Variants in AMPH observed in about 807,000 individuals in gnomAD.
The protein encoded by AMPH is amphiphysin, also known as amphiphysin (Stiff-Mann syndrome with breast cancer 128kD autoantigen).
Under a neutral mutation model 99.1 loss-of-function variants are expected in AMPH, and 49 were observed. The ratio of observed to expected loss-of-function variants is 0.49; its 90% CI spans 0.39 to 0.63. The LOEUF (loss-of-function observed/expected upper bound fraction) is 0.63, where lower values mean the gene tolerates loss of function less well. Among genes scored for constraint, AMPH ranks in the 20% least tolerant of loss-of-function variants. The pLI is 0.00. For missense variants in AMPH, 759 were observed against 863.4 expected, an observed-to-expected ratio of 0.88 and a Z score of 1.52; for synonymous variants, 314 against 317.3, an observed-to-expected ratio of 0.99 and a Z score of 0.11.
intron 1 of AMPH, among the ~76,000 whole-genome samples, chr7:38,587,468 A>G (rs1044841306): frequency 3.3e-5 from 5 of 152,196 alleles, no homozygotes; most frequent in Non-Finnish European, 5.9e-5. Flanking sequence ...TTTGGATCAC[A>G]TTTTGTACTG....
In AMPH at chr7:38,463,026, A is replaced by G. The variant is rs977110066; in HGVS notation, c.837T>C (p.His279=). The change falls in exon 10 of 21, where the codon CAT becomes CAC. Residue 279 remains histidine, a synonymous_variant. Coordinates refer to ENST00000356264, the MANE Select transcript of AMPH (RefSeq NM_001635.4). Reference sequence around the variant, plus strand: ...GTGCGGGAGACGCAGGTGCTAATGTATGATTTGGACTTGCTGTCGGGCTCG... The same window carrying G: ...GTGCGGGAGACGCAGGTGCTAATGTGTGATTTGGACTTGCTGTCGGGCTCG... ...PLPSPTASPN[H]TLAPASPAPA... 6.2e-7 allele frequency: 1 copy of G among 1,608,994 alleles called. No individual in the cohort carries two copies. Among genetic ancestry groups the G allele is most frequent in the Non-Finnish European group, 8.5e-7 (1 of 1,177,758 alleles).
intron 1 of AMPH, among the ~76,000 whole-genome samples, chr7:38,569,487 T>C (rs150552339): frequency 1.3e-5 from 2 of 151,716 alleles, no homozygotes; most frequent in African/African-American, 2.4e-5. Flanking sequence ...AACCACCTGA[T>C]AGAAGTACTT....
At chr7:38,393,165 T>C (rs1253697671) in intron 18 of AMPH, among the ~76,000 whole-genome samples, 1 of 152,152 alleles carries the variant, frequency 6.6e-6, no homozygotes, top group Non-Finnish European at 1.5e-5. Flanking sequence ...GAAAAAGGAA[T>C]ATTCTTTTAA....
At chr7:38,412,328 G>A (rs1443156021) in intron 17 of AMPH, among the ~76,000 whole-genome samples, 5 of 152,206 alleles carry the variant, frequency 3.3e-5, no homozygotes, top group African/African-American at 1.2e-4. Context: ...AATAGTGGAA[G>A]AACAACCTGA....
intron 1 of AMPH, among the ~76,000 whole-genome samples, chr7:38,625,516 T>C (rs572938042): frequency 6.6e-6 from 1 of 152,178 alleles, no homozygotes. Context: ...AGGGTACCAC[T>C]AAGAAAGTAA....
intron 5 of AMPH, 69 bp from the exon 6 acceptor site, chr7:38,477,038 GC>G: frequency 7.2e-7 from 1 of 1,392,532 alleles, no homozygotes. Flanking sequence ...ACAGCCAGGT[GC>G]CAAAATGCTT....
intron 14 of AMPH, 81 bp downstream of exon 14, chr7:38,429,760 CA>C: frequency 7.0e-7 from 1 of 1,437,816 alleles, no homozygotes; most frequent in Non-Finnish European, 9.6e-7. Context: ...CATGGGGAAA[CA>C]GTTCATTCTA....
At chr7:38,396,659 C>T (rs1468091427) in intron 17 of AMPH, among the ~76,000 whole-genome samples, 1 of 152,170 alleles carries the variant, frequency 6.6e-6, no homozygotes, top group Non-Finnish European at 1.5e-5. Flanking sequence ...GCTGAAAATT[C>T]CTATAATAAA....
At chr7:38,592,373 G>A (rs1792888420) in intron 1 of AMPH, among the ~76,000 whole-genome samples, 1 of 152,122 alleles carries the variant, frequency 6.6e-6, no homozygotes. Flanking sequence ...CAGCTACCAT[G>A]GCCCCTTCTG....
chr7:38,445,672 G>A (rs1490248433), intron 11 of AMPH, among the ~76,000 whole-genome samples: 1 of 152,162 alleles, frequency 6.6e-6, no homozygotes, highest in Admixed American at 6.6e-5. Flanking sequence ...CTAGTCATTT[G>A]GGAAATGCAA....
chr7:38,561,996 GCTGA>G (rs1251270957), intron 1 of AMPH, among the ~76,000 whole-genome samples: 2 of 151,100 alleles, frequency 1.3e-5, no homozygotes, highest in African/African-American at 4.9e-5. Context: ...GGCAGCCGAG[GCTGA>G]CTAAGACAGA....
chr7:38,394,291 A>G, intron 17 of AMPH, 77 bp from the exon 18 acceptor site: 11 of 1,473,310 alleles, frequency 7.5e-6, no homozygotes, highest in Non-Finnish European at 1.0e-5. Context: ...GCCTATTTCT[A>G]ATCTCCCCTC....
intron 15 of AMPH, 31 bp downstream of exon 15, chr7:38,426,923 G>A (rs1380548182): frequency 1.9e-6 from 3 of 1,606,398 alleles, no homozygotes; most frequent in South Asian, 1.1e-5. Flanking sequence ...ATTCTCAGCA[G>A]ATGGATCTTG....
At chr7:38,518,782 A>G (rs997276204) in intron 2 of AMPH, among the ~76,000 whole-genome samples, 1 of 152,200 alleles carries the variant, frequency 6.6e-6, no homozygotes, top group African/African-American at 2.4e-5. Context: ...ATGTTGGAAT[A>G]AGTTAAGACT....
chr7:38,594,743 T>A (rs1218664305), intron 1 of AMPH, among the ~76,000 whole-genome samples: 1 of 152,110 alleles, frequency 6.6e-6, no homozygotes, highest in Non-Finnish European at 1.5e-5. Flanking sequence ...AAAAAAAAAC[T>A]ATGGGCCAAA....
At chr7:38,474,661 G>A (rs1788016138) in intron 7 of AMPH, among the ~76,000 whole-genome samples, 1 of 152,096 alleles carries the variant, frequency 6.6e-6, no homozygotes, top group Non-Finnish European at 1.5e-5. Flanking sequence ...GCTAATTTGG[G>A]GTGGGAGCAT....
intron 1 of AMPH, among the ~76,000 whole-genome samples, chr7:38,618,453 A>G (rs1054252198): frequency 7.9e-5 from 12 of 152,120 alleles, no homozygotes; most frequent in Non-Finnish European, 1.0e-4. Context: ...CAGAGCTTAC[A>G]GTGAGCCGAG....
chr7:38,384,570 C>T lies in AMPH; in HGVS notation c.*248G>A, dbSNP rs1784299862. On this transcript the variant is annotated 3_prime_UTR_variant, in exon 21 of 21. Coordinates refer to ENST00000356264, the MANE Select transcript of AMPH (RefSeq NM_001635.4). ...GGAGGGGATCAAGTACAAGAGTCTC[C>T]ACAGCTTGGACAAAGCACAAACAAA... 2 of 400,116 alleles carry T rather than the reference C, an allele frequency of 5.0e-6. No homozygotes were observed. The highest frequency in any genetic ancestry group is 4.1e-5 in the East Asian group (1 of 24,338). The allele number at this position is 400,116 out of a possible 1,614,324, so 24.8% of individuals were successfully genotyped here.
chr7:38,610,377 GGA>G (rs1291472624), intron 1 of AMPH, among the ~76,000 whole-genome samples: 1 of 24,186 alleles, frequency 4.1e-5, no homozygotes, highest in African/African-American at 2.2e-4. Context: ...AGAAAAGAAA[GGA>G]AAGGAAAAGA....
Sources: gnomAD v4.1 joint callset for allele counts (sites outside exome capture counted in the v4.1 genomes callset) on GRCh38, gnomAD v4.1.1 for gene constraint, MANE v1.5 for transcripts, NCBI Gene and HGNC (gene_info 2026-07-23, HGNC 2026-07-21) for gene names.